FANK1: variants seen among roughly 807,000 people sequenced by gnomAD.
FANK1 encodes the protein fibronectin type III and ankyrin repeat domains 1.
A neutral mutation model predicts 45.3 loss-of-function variants in FANK1; 44 were observed. That is an observed-to-expected ratio of 0.97 (90% CI 0.76 to 1.25). The LOEUF (loss-of-function observed/expected upper bound fraction) is 1.25. Ranked by LOEUF, FANK1 falls within the 50% of genes most tolerant of loss-of-function variation. FANK1 has a pLI of 0.00. For synonymous variants in FANK1, 149 were observed against 152.5 expected, an observed-to-expected ratio of 0.98 and a Z score of 0.17; for missense variants, 391 against 424.4, an observed-to-expected ratio of 0.92 and a Z score of 0.69.
intron 1 of FANK1, chr10:125,979,877 T>A: frequency 1.9e-6 from 1 of 537,958 alleles, no homozygotes; most frequent in Non-Finnish European, 3.6e-6. Context: ...ACCTTATTAG[T>A]TTGATATGTT....
chr10:125,979,191 T>C (rs1000399179), intron 1 of FANK1, among the ~76,000 whole-genome samples: 5 of 152,142 alleles, frequency 3.3e-5, no homozygotes, highest in Non-Finnish European at 5.9e-5. Context: ...GTCTTGCTTT[T>C]CTTTGTTCTC....
At chr10:125,957,648 C>A (rs1949663966) in intron 1 of FANK1, among the ~76,000 whole-genome samples, 1 of 152,044 alleles carries the variant, frequency 6.6e-6, no homozygotes, top group South Asian at 2.1e-4. Flanking sequence ...CCTCAGCCTC[C>A]CGAGAAGCTG....
intron 1 of FANK1, among the ~76,000 whole-genome samples, chr10:125,938,961 T>C (rs1421356975): frequency 1.3e-5 from 2 of 152,208 alleles, no homozygotes; most frequent in Non-Finnish European, 2.9e-5. Context: ...CAAACTCCAC[T>C]GTAACCAAGT....
intron 1 of FANK1, among the ~76,000 whole-genome samples, chr10:125,901,469 T>C (rs1945030132): frequency 6.6e-6 from 1 of 152,220 alleles, no homozygotes; most frequent in Non-Finnish European, 1.5e-5. Flanking sequence ...AATCAGATCA[T>C]GTCACTCTCC....
chr10:125,920,867 CT>C (rs1564874006), intron 1 of FANK1, among the ~76,000 whole-genome samples: 2 of 152,244 alleles, frequency 1.3e-5, no homozygotes, highest in Non-Finnish European at 2.9e-5. Flanking sequence ...TGGGAGATAC[CT>C]ATATGCACTA....
At chr10:126,002,085 G>A (rs997095319) in intron 6 of FANK1, among the ~76,000 whole-genome samples, 1 of 152,078 alleles carries the variant, frequency 6.6e-6, no homozygotes, top group Non-Finnish European at 1.5e-5. Context: ...GGCTGAGGCA[G>A]GCGGATCACG....
chr10:126,004,073 T>C (rs1467541050), intron 6 of FANK1: 1 of 151,724 alleles, frequency 6.6e-6, no homozygotes, highest in African/African-American at 2.4e-5. Flanking sequence ...TTTCTAACTC[T>C]ATGGTTCCTT....
At chr10:125,937,317 T>C (rs1350580405) in intron 1 of FANK1, among the ~76,000 whole-genome samples, 1 of 152,240 alleles carries the variant, frequency 6.6e-6, no homozygotes, top group Non-Finnish European at 1.5e-5. Context: ...CTGTTCCATC[T>C]CTTTACTGAC....
chr10:125,946,096 A>T (rs1263449872), intron 1 of FANK1, among the ~76,000 whole-genome samples: 1 of 152,186 alleles, frequency 6.6e-6, no homozygotes, highest in Non-Finnish European at 1.5e-5. Context: ...TCCACATCGA[A>T]AACCCATCTG....
rs771919140 is a variant in FANK1 at position 125,980,383 on chromosome 10, A to T, written c.191+45A>T. ...GCTTGCCACTTTGCCTTACTTCCTG[A>T]TTAGCTGGAATGATTTCTGTTGTCT... On this transcript the variant is annotated intron_variant, in intron 2 of 10. Transcript: ENST00000368693. 4.5e-6 allele frequency: 7 copies of T among 1,561,248 alleles called. No homozygotes were observed. The South Asian group carries it at 7.2e-5, about 16-fold the overall frequency.
At position 125,901,000 on chromosome 10, in the gene FANK1, G is replaced by A. The variant is rs1179798353; in HGVS notation, c.13+4345G>A. On this transcript the variant is annotated intron_variant, in intron 1 of 10. Coordinates refer to ENST00000368693, the MANE Select transcript of FANK1 (RefSeq NM_145235.5). ...TAGTTGTTGTTTTTAGAGAGACAGG[G>A]TCTTGCTGTGTGGCCCAGGTATGCC... 5.3e-5 allele frequency among the ~76,000 whole-genome samples: 8 copies of A among 152,064 alleles called. No homozygotes were observed. In the East Asian group the frequency reaches 1.5e-3, roughly 29 times the overall value.
intron 7 of FANK1, among the ~76,000 whole-genome samples, chr10:126,006,316 A>T (rs1467505695): frequency 2.6e-5 from 4 of 152,200 alleles, no homozygotes; most frequent in Non-Finnish European, 4.4e-5. Context: ...GAATTAAGAA[A>T]AGTGCCCCCT....
chr10:125,936,045 A>G (rs1056158281), intron 1 of FANK1, among the ~76,000 whole-genome samples: 2 of 152,246 alleles, frequency 1.3e-5, no homozygotes, highest in African/African-American at 2.4e-5. Flanking sequence ...AGCATGGTAC[A>G]TATTGCTGGA....
chr10:125,999,201 T>TTTG (rs200521360), intron 6 of FANK1, among the ~76,000 whole-genome samples: 17 of 61,210 alleles, frequency 2.8e-4, no homozygotes, highest in African/African-American at 6.6e-4. Context: ...AAAGTATCTT[T>TTTG]TTTTTTTTTT....
intron 1 of FANK1, among the ~76,000 whole-genome samples, chr10:125,963,905 CATTTT>C (rs1950066606): frequency 6.6e-6 from 1 of 151,650 alleles, no homozygotes; most frequent in East Asian, 1.9e-4. Context: ...TAAAAAAAAA[CATTTT>C]AAGATAATTT....
chr10:125,896,862 G>T (rs80224590), intron 1 of FANK1, among the ~76,000 whole-genome samples: 1 of 151,516 alleles, frequency 6.6e-6, no homozygotes, highest in African/African-American at 2.4e-5. Flanking sequence ...GGCCGCCGGC[G>T]CCCTAGAGTC....
At chr10:125,994,570 G>A in intron 3 of FANK1, 1 of 985,392 alleles carries the variant, frequency 1.0e-6, no homozygotes, top group Non-Finnish European at 1.2e-6. Context: ...GGGTACTTAC[G>A]ATGTGTCAGG....
At chr10:125,952,784 C>G (rs562647661) in intron 1 of FANK1, among the ~76,000 whole-genome samples, 7 of 146,324 alleles carry the variant, frequency 4.8e-5, no homozygotes, top group East Asian at 2.0e-4. Flanking sequence ...TGCTGTGGTG[C>G]CCAGCAGGAA....
chr10:125,899,687 A>G lies in FANK1; in HGVS notation c.13+3032A>G, dbSNP rs1416727002. ...AAGTTATTTCCTACTGTCAGCCATA[A>G]TGGAAGCACTACAGACGTGGCATCA... is the stretch of plus-strand genomic sequence containing the variant. On this transcript the variant is annotated intron_variant, in intron 1 of 10. Coordinates refer to ENST00000368693, the MANE Select transcript of FANK1 (RefSeq NM_145235.5). 2.6e-5 allele frequency among the ~76,000 whole-genome samples: 4 copies of G among 152,246 alleles called. No homozygotes were observed. In the East Asian group the frequency reaches 7.7e-4, roughly 29 times the overall value.
Sources: gnomAD v4.1 joint callset for allele counts (sites outside exome capture counted in the v4.1 genomes callset) on GRCh38, gnomAD v4.1.1 for gene constraint, MANE v1.5 for transcripts, NCBI Gene and HGNC (gene_info 2026-07-23, HGNC 2026-07-21) for gene names.